NLN: variants seen among roughly 807,000 people sequenced by gnomAD.
NLN encodes the protein neurolysin, mitochondrial.
NLN carries 64 observed loss-of-function variants against 79.9 expected under a neutral mutation model. The ratio of observed to expected loss-of-function variants is 0.80; its 90% CI spans 0.65 to 0.99. The LOEUF (loss-of-function observed/expected upper bound fraction) is 0.99, where lower values mean the gene tolerates loss of function less well. Among genes scored for constraint, NLN ranks in the 50% least tolerant of loss-of-function variants. The pLI is 0.00. For synonymous variants in NLN, 267 were observed against 296.6 expected (o/e 0.90, Z 1.02); for missense variants, 835 against 858.7 (o/e 0.97, Z 0.34).
chr5:65,803,540 A>G (rs1460241722), intron 9 of NLN, among the ~76,000 whole-genome samples: 1 of 152,172 alleles, frequency 6.6e-6, no homozygotes, highest in Non-Finnish European at 1.5e-5. Context: ...CCCTGAGAGT[A>G]CAGAGATGCC....
At chr5:65,740,723 T>G (rs1298749019) in intron 1 of NLN, among the ~76,000 whole-genome samples, 1 of 151,638 alleles carries the variant, frequency 6.6e-6, no homozygotes, top group Non-Finnish European at 1.5e-5. Context: ...GCCATAAATG[T>G]GTGGATTTAT....
chr5:65,787,321 T>C (rs2248915), intron 7 of NLN, among the ~76,000 whole-genome samples: 55,378 of 151,564 alleles, frequency 0.37, 12,096 homozygotes, highest in African/African-American at 0.62. Flanking sequence ...CACATGCACA[T>C]GGATATATAT....
chr5:65,744,653 C>T (rs905146568), intron 1 of NLN, among the ~76,000 whole-genome samples: 1 of 152,124 alleles, frequency 6.6e-6, no homozygotes, highest in Admixed American at 6.5e-5. Context: ...AATCCCAGCA[C>T]TTTGGGAGGC....
intron 5 of NLN, among the ~76,000 whole-genome samples, chr5:65,780,802 T>C (rs1439433010): frequency 6.6e-6 from 1 of 152,214 alleles, no homozygotes; most frequent in African/African-American, 2.4e-5. Flanking sequence ...GCCTCCCAAG[T>C]AGCTGGGACT....
chr5:65,724,258 A>G (rs1327620924), intron 1 of NLN, among the ~76,000 whole-genome samples: 1 of 152,000 alleles, frequency 6.6e-6, no homozygotes, highest in Non-Finnish European at 1.5e-5. Flanking sequence ...ATAACTGCCC[A>G]TTACTTCCTC....
chr5:65,794,756 GT>G (rs1760136916), intron 9 of NLN, among the ~76,000 whole-genome samples: 1 of 152,190 alleles, frequency 6.6e-6, no homozygotes, highest in Admixed American at 6.5e-5. Context: ...GTCCTGACAT[GT>G]GCAGAATCAG....
intron 3 of NLN, among the ~76,000 whole-genome samples, chr5:65,776,906 T>C (rs1759692982): frequency 6.6e-6 from 1 of 152,216 alleles, no homozygotes; most frequent in Admixed American, 6.5e-5. Flanking sequence ...GTAAGGCATT[T>C]TTGAAGTGTT....
chr5:65,812,364 T>TA lies in NLN; in HGVS notation c.1959dup (p.Glu654ArgfsTer36). 6.4e-7 allele frequency: 1 copy of TA among 1,562,956 alleles called. No homozygotes were observed. The highest frequency in any genetic ancestry group is 8.8e-7 in the Non-Finnish European group (1 of 1,133,982). ...CCATGGATATGTTTTACAGCTGTTT[T>TA]AAAAAAGAAGGGATAATGAATCCAG... On this transcript the variant is annotated frameshift_variant, in exon 12 of 13. Coordinates refer to ENST00000380985, the MANE Select transcript of NLN (RefSeq NM_020726.5). LOFTEE classifies it high-confidence loss of function.
chr5:65,730,600 G>A (rs1380120169), intron 1 of NLN, among the ~76,000 whole-genome samples: 1 of 148,234 alleles, frequency 6.7e-6, no homozygotes, highest in African/African-American at 2.5e-5. Context: ...TCTATTGCTC[G>A]GGCTAGAGTG....
chr5:65,764,872 T>C (rs1759418364), intron 3 of NLN, among the ~76,000 whole-genome samples: 1 of 152,222 alleles, frequency 6.6e-6, no homozygotes, highest in Non-Finnish European at 1.5e-5. Context: ...TACCTACCTT[T>C]AAACATCTTC....
intron 2 of NLN, among the ~76,000 whole-genome samples, chr5:65,762,019 A>AT (rs1381302886): frequency 6.6e-6 from 1 of 152,216 alleles, no homozygotes; most frequent in African/African-American, 2.4e-5. Flanking sequence ...TTTTTGTTCT[A>AT]TAGTATTGGT....
At chr5:65,799,813 T>A (rs779594313) in intron 9 of NLN, among the ~76,000 whole-genome samples, 34 of 152,358 alleles carry the variant, frequency 2.2e-4, no homozygotes, top group Non-Finnish European at 4.9e-4. Context: ...CAACACATTA[T>A]CTTTATTACT....
At chr5:65,801,221 G>A (rs1431751970) in intron 9 of NLN, among the ~76,000 whole-genome samples, 1 of 152,128 alleles carries the variant, frequency 6.6e-6, no homozygotes. Flanking sequence ...AGTTATCATG[G>A]CCCATAAGCA....
At chr5:65,736,530 C>T (rs1246647673) in intron 1 of NLN, among the ~76,000 whole-genome samples, 1 of 152,186 alleles carries the variant, frequency 6.6e-6, no homozygotes, top group East Asian at 1.9e-4. Flanking sequence ...TCCTTCTCTC[C>T]ATATAGTATT....
intron 1 of NLN, among the ~76,000 whole-genome samples, chr5:65,757,881 G>GT (rs945966095): frequency 6.6e-6 from 1 of 152,032 alleles, no homozygotes; most frequent in African/African-American, 2.4e-5. Context: ...AACTTGCAAG[G>GT]TTTTTTCGAG....
At chr5:65,821,058 A>G (rs1375196206) in intron 12 of NLN, among the ~76,000 whole-genome samples, 115 of 151,050 alleles carry the variant, frequency 7.6e-4, no homozygotes, top group African/African-American at 2.8e-3. Context: ...AAAAAAAAAA[A>G]GAAAAGAGAG....
At chr5:65,807,085 G>A (rs1044791816) in intron 9 of NLN, among the ~76,000 whole-genome samples, 1 of 151,832 alleles carries the variant, frequency 6.6e-6, no homozygotes, top group African/African-American at 2.4e-5. Flanking sequence ...GGTAAGGCGG[G>A]AGGATCGCTT....
intron 1 of NLN, among the ~76,000 whole-genome samples, chr5:65,730,439 GAAAGT>G (rs1758579584): frequency 6.6e-6 from 1 of 152,120 alleles, no homozygotes; most frequent in Non-Finnish European, 1.5e-5. Context: ...GTGTTTTTGA[GAAAGT>G]AAAGAGACCA....
chr5:65,782,702 C>G (rs1416411630), intron 6 of NLN, among the ~76,000 whole-genome samples: 1 of 152,178 alleles, frequency 6.6e-6, no homozygotes, highest in Non-Finnish European at 1.5e-5. Flanking sequence ...ATAGGCAGAA[C>G]CTCCCTGAGC....
Sources: gnomAD v4.1 joint callset for allele counts (sites outside exome capture counted in the v4.1 genomes callset) on GRCh38, gnomAD v4.1.1 for gene constraint, MANE v1.5 for transcripts, NCBI Gene and HGNC (gene_info 2026-07-23, HGNC 2026-07-21) for gene names.